Variants in NOP14 observed in about 807,000 individuals in gnomAD.
NOP14 encodes nucleolar protein 14.
A neutral mutation model predicts 101.6 loss-of-function variants in NOP14; 57 were observed. The ratio of observed to expected loss-of-function variants is 0.56; its 90% CI spans 0.45 to 0.70. The LOEUF is 0.70. NOP14 is among the 30% of genes least tolerant of loss of function. The probability of loss-of-function intolerance (pLI) is 0.00; values close to 1 mark genes in which losing one functional copy is unlikely to be tolerated. For synonymous variants in NOP14, 428 were observed against 424.0 expected, an observed-to-expected ratio of 1.01 and a Z score of -0.12; for missense variants, 1,134 against 1,075.5, an observed-to-expected ratio of 1.05 and a Z score of -0.76.
Position 2,941,726 on chromosome 4 carries a change from C to T in NOP14, c.2055G>A (p.Leu685=). Residue 685 remains leucine (L), a synonymous_variant, in exon 15 of 18, where the codon CTG becomes CTA. Coordinates refer to ENST00000416614, the MANE Select transcript of NOP14 (RefSeq NM_001291978.2). The part of the protein sequence containing the change: ...PTSTEANHIR[L]SCLAVGLALL... Reference sequence around the variant, plus strand: ...GGGCCAGGCCCACAGCCAGGCAGGACAGTCTGTGAGGGCAGGAGGCAAGAG... The same window carrying T: ...GGGCCAGGCCCACAGCCAGGCAGGATAGTCTGTGAGGGCAGGAGGCAAGAG... 3 of 1,612,308 alleles carry T rather than the reference C, an allele frequency of 1.9e-6. No homozygotes were observed. Among genetic ancestry groups the T allele is most frequent in the Non-Finnish European group, 2.5e-6 (3 of 1,179,618 alleles).
chr4:2,949,726 C>T (rs543999104), intron 8 of NOP14, among the ~76,000 whole-genome samples: 6 of 152,218 alleles, frequency 3.9e-5, no homozygotes, highest in East Asian at 1.9e-4. Context: ...CATCGGGGGC[C>T]GGCCTACAGA....
At chr4:2,948,466 T>A in intron 8 of NOP14, 58 bp from the exon 9 acceptor site, 3 of 1,328,756 alleles carry the variant, frequency 2.3e-6, no homozygotes, top group Non-Finnish European at 3.0e-6. Flanking sequence ...TATATATATT[T>A]ATTTTTGAGA....
intron 6 of NOP14, among the ~76,000 whole-genome samples, chr4:2,952,017 G>C: frequency 6.6e-6 from 1 of 150,994 alleles, no homozygotes; most frequent in Non-Finnish European, 1.5e-5. Flanking sequence ...TGAGGCAGGA[G>C]AATCACTTGA....
At chr4:2,942,700 C>G (rs1421303032) in intron 13 of NOP14, among the ~76,000 whole-genome samples, 1 of 152,154 alleles carries the variant, frequency 6.6e-6, no homozygotes, top group African/African-American at 2.4e-5. Context: ...ACAGGCAGTG[C>G]ACAGCACCCA....
intron 10 of NOP14, 187 bp from the exon 11 acceptor site, chr4:2,946,734 T>C (rs1207879633): frequency 1.7e-6 from 1 of 590,510 alleles, no homozygotes. Flanking sequence ...AACTCGGCCA[T>C]AACATTATGG....
intron 2 of NOP14, among the ~76,000 whole-genome samples, chr4:2,957,056 C>T (rs779447801): frequency 3.9e-5 from 6 of 152,028 alleles, no homozygotes; most frequent in South Asian, 4.1e-4. Context: ...GGCTGGAGTG[C>T]GGTAGAGTGA....
At chr4:2,948,189 G>A in intron 9 of NOP14, 89 bp downstream of exon 9, 18 of 1,456,880 alleles carry the variant, frequency 1.2e-5, no homozygotes, top group Non-Finnish European at 1.6e-5. Context: ...AGGCACACAT[G>A]GCCGTTGCAC....
intron 3 of NOP14, among the ~76,000 whole-genome samples, chr4:2,955,054 C>T (rs1715252211): frequency 6.8e-6 from 1 of 146,562 alleles, no homozygotes; most frequent in Non-Finnish European, 1.5e-5. Context: ...CCCCTCTAGT[C>T]ACCTGCACGC....
chr4:2,945,304 G>A (rs1439491295), intron 11 of NOP14, 75 bp from the exon 12 acceptor site: 22 of 1,103,678 alleles, frequency 2.0e-5, no homozygotes, highest in Admixed American at 6.0e-5. Flanking sequence ...CAAACACTCC[G>A]GAGCCAAGAA....
In NOP14 at chr4:2,939,217, C is replaced by G; in HGVS notation, c.2445G>C (p.Ala815=). ...CCATGATTTCTGAGAGTTGCATCCT[C>G]GCCAGGAACTGATTGTCCTTGCGGA... The part of the protein sequence containing the change: ...REIRKDNQFL[A]RMQLSEIMER... Residue 815 remains alanine (A), a synonymous_variant, in exon 17 of 18, where the codon GCG becomes GCC. Coordinates refer to ENST00000416614, the MANE Select transcript of NOP14 (RefSeq NM_001291978.2). 1.9e-6 allele frequency: 3 copies of G among 1,613,984 alleles called. No homozygotes were observed. The highest frequency in any genetic ancestry group is 2.5e-6 in the Non-Finnish European group (3 of 1,180,036).
intron 1 of NOP14, among the ~76,000 whole-genome samples, chr4:2,962,504 A>T (rs1716103077): frequency 6.6e-6 from 1 of 152,184 alleles, no homozygotes; most frequent in Non-Finnish European, 1.5e-5. Context: ...AGCGAGGTCA[A>T]ACAGAAGCGC....
intron 5 of NOP14, among the ~76,000 whole-genome samples, chr4:2,953,254 G>A (rs1030670806): frequency 6.6e-6 from 1 of 152,136 alleles, no homozygotes; most frequent in Non-Finnish European, 1.5e-5. Context: ...CTATTCTAAC[G>A]TGTCCACCCT....
intron 17 of NOP14, 93 bp from the exon 18 acceptor site, chr4:2,939,023 C>T (rs973927350): frequency 1.8e-5 from 27 of 1,467,252 alleles, no homozygotes; most frequent in South Asian, 5.7e-5. Context: ...CATTAGCCAC[C>T]GTGGCCACGT....
Position 2,944,078 on chromosome 4 carries a change from CTTGCTTTG to C in NOP14, c.1878_1885del (p.Asn626LysfsTer25). The C allele has an allele frequency of 6.2e-7, 1 of 1,606,866 alleles. No homozygotes were observed. Among genetic ancestry groups the C allele is most frequent in the Non-Finnish European group, 8.5e-7 (1 of 1,177,382 alleles). Reference sequence around the variant, plus strand: ...CCTCCCTCAAATCAACTCACCTTGGCTTGCTTTGTTTGGAGTTGCTATGTAAAGAATCC... The same window carrying C: ...CCTCCCTCAAATCAACTCACCTTGGCTTTGGAGTTGCTATGTAAAGAATCC... On this transcript the variant is annotated frameshift_variant, in exon 13 of 18. Coordinates refer to ENST00000416614, the MANE Select transcript of NOP14 (RefSeq NM_001291978.2). LOFTEE classifies it high-confidence loss of function.
chr4:2,947,549 G>C lies in NOP14; in HGVS notation c.1476C>G (p.Leu492=), dbSNP rs766729730. The C allele has an allele frequency of 2.5e-6, 4 of 1,613,722 alleles. No individual in the cohort carries two copies. The highest frequency in any genetic ancestry group is 3.4e-6 in the Non-Finnish European group (4 of 1,179,628). Residue 492 remains leucine (L), a synonymous_variant, in exon 10 of 18, where the codon CTC becomes CTG. Coordinates refer to ENST00000416614, the MANE Select transcript of NOP14 (RefSeq NM_001291978.2). ...ACACAACCAACTTATCAATGACTGT[G>C]AGGTCTGGTGGGTCATCTGTAGCCA... The part of the protein sequence containing the change: ...GDLATDDPPD[L]TVIDKLVVHL...
chr4:2,958,956 G>C (rs1217557278), intron 1 of NOP14, among the ~76,000 whole-genome samples: 1 of 152,220 alleles, frequency 6.6e-6, no homozygotes, highest in Non-Finnish European at 1.5e-5. Flanking sequence ...ACAGAAGCAC[G>C]ACCTGGCCCT....
intron 3 of NOP14, among the ~76,000 whole-genome samples, chr4:2,955,351 C>G (rs1428640795): frequency 5.5e-5 from 6 of 109,844 alleles, no homozygotes; most frequent in African/African-American, 2.2e-4. Flanking sequence ...GCCACGGCGC[C>G]CCCTCTAGTC....
chr4:2,947,178 C>T (rs1714713924), intron 10 of NOP14: 2 of 326,026 alleles, frequency 6.1e-6, no homozygotes, highest in Admixed American at 4.7e-5. Context: ...GGGTGAGGGG[C>T]GGGGTGTCTA....
intron 4 of NOP14, 87 bp from the exon 5 acceptor site, chr4:2,953,732 C>T (rs1159639847): frequency 2.0e-6 from 3 of 1,489,988 alleles, no homozygotes; most frequent in Admixed American, 1.9e-5. Flanking sequence ...AGGACACACA[C>T]AGTGATCACT....
Sources: allele counts gnomAD v4.1 joint callset (sites outside exome capture counted in the v4.1 genomes callset), GRCh38; gene constraint gnomAD v4.1.1; transcripts MANE v1.5; gene names NCBI Gene and HGNC (gene_info 2026-07-23, HGNC 2026-07-21).